FADS2: variants seen among roughly 807,000 people sequenced by gnomAD.
FADS2 encodes the protein fatty acid desaturase 2.
Under a neutral mutation model 61.2 loss-of-function variants are expected in FADS2, and 18 were observed. The observed-to-expected ratio is 0.29, with a 90% confidence interval of 0.20 to 0.44. The LOEUF (loss-of-function observed/expected upper bound fraction) is 0.44, where lower values mean the gene tolerates loss of function less well. FADS2 is among the 20% of genes least tolerant of loss of function. The probability of loss-of-function intolerance (pLI) is 1.00; values close to 1 mark genes in which losing one functional copy is unlikely to be tolerated. For synonymous variants in FADS2, 203 were observed against 223.9 expected (o/e 0.91, Z 0.83); for missense variants, 322 against 572.7 (o/e 0.56, Z 4.47).
chr11:61,817,095 G>A, intron 1 of FADS2: 1 of 769,808 alleles, frequency 1.3e-6, no homozygotes, highest in Non-Finnish European at 1.9e-6. Flanking sequence ...GCTCCCAGGG[G>A]GCGCCGCGGT....
At chr11:61,847,385 C>A (rs2135966877) in intron 4 of FADS2, 1 of 152,278 alleles carries the variant, frequency 6.6e-6, no homozygotes, top group African/African-American at 2.4e-5. Context: ...CTCACTCCCT[C>A]CCCTACCCCA....
chr11:61,822,759 A>C (rs927755766), intron 1 of FADS2, among the ~76,000 whole-genome samples: 1 of 152,252 alleles, frequency 6.6e-6, no homozygotes, highest in African/African-American at 2.4e-5. Context: ...GAGAATATTT[A>C]CTTCACTATA....
intron 1 of FADS2, among the ~76,000 whole-genome samples, chr11:61,837,419 C>G (rs2067182821): frequency 6.6e-6 from 1 of 152,218 alleles, no homozygotes; most frequent in African/African-American, 2.4e-5. Context: ...GCACTCAGCT[C>G]ACGAGCAGTC....
chr11:61,865,011 G>C lies in FADS2; in HGVS notation c.1158-141G>C. The stretch of plus-strand genomic sequence containing the variant: ...GTGGCACCCCACTGGGCACACACGA[G>C]GAGCCACACTTTGAGACTGGTCCTG... On this transcript the variant is annotated intron_variant, in intron 10 of 11. Coordinates refer to ENST00000278840, the MANE Select transcript of FADS2 (RefSeq NM_004265.4). The surrounding 1 kb of genome is among the most constrained non-coding windows in gnomAD (Gnocchi z 4.1). 1 of 998,328 alleles carries C rather than the reference G, an allele frequency of 1.0e-6. No individual in the cohort carries two copies. Among genetic ancestry groups the C allele is most frequent in the Admixed American group, 2.2e-5 (1 of 44,680 alleles). The allele number at this position is 998,328 out of a possible 1,614,324, so 61.8% of individuals were successfully genotyped here.
At chr11:61,838,318 G>C (rs2067191691) in intron 2 of FADS2, among the ~76,000 whole-genome samples, 1 of 152,178 alleles carries the variant, frequency 6.6e-6, no homozygotes, top group African/African-American at 2.4e-5. Context: ...TGGGTGCTGG[G>C]CTTCCAGGAC....
rs1455084189 is a variant in FADS2, at chr11:61,816,452, C to T, written c.141+26C>T. 6.2e-7 allele frequency: 1 copy of T among 1,600,008 alleles called. No individual in the cohort carries two copies. Among genetic ancestry groups the T allele is most frequent in the South Asian group, 1.1e-5 (1 of 91,074 alleles). ...GTATGATCAGGCGCCTCCGGGCTTT[C>T]CTCCGAATTAGTCGGTGTTTGGCTC... On this transcript the variant is annotated intron_variant, in intron 1 of 11. Coordinates refer to the FADS2 transcript ENST00000257261. The surrounding 1 kb of genome is among the most constrained non-coding windows in gnomAD (Gnocchi z 7.0).
Position 61,857,084 on chromosome 11 carries a change from C to A in FADS2, c.805+13C>A, listed in dbSNP as rs372502673. The A allele has an allele frequency of 5.0e-6, 8 of 1,612,088 alleles. No individual in the cohort carries two copies. Among genetic ancestry groups the A allele is most frequent in the African/African-American group, 4.0e-5 (3 of 74,864 alleles). On this transcript the variant is annotated intron_variant, in intron 6 of 11. Transcript: ENST00000278840. ...TACTTCTTCCTGAGTGAGTGCTCGGCGCCCCGAAATCACTCTGGGACCCTC... is the reference window on the plus strand; with the variant it reads ...TACTTCTTCCTGAGTGAGTGCTCGGAGCCCCGAAATCACTCTGGGACCCTC...
At chr11:61,857,194 G>C in intron 6 of FADS2, 123 bp downstream of exon 6, 1 of 900,712 alleles carries the variant, frequency 1.1e-6, no homozygotes, top group Admixed American at 1.9e-5. Context: ...GTTAGAAGCG[G>C]GGGCCACAGC....
intron 4 of FADS2, chr11:61,846,974 G>C (rs1172970939): frequency 6.6e-6 from 1 of 150,626 alleles, no homozygotes; most frequent in Non-Finnish European, 1.5e-5. Flanking sequence ...TTTTTAAACA[G>C]AGTCTTGCTC....
intron 1 of FADS2, among the ~76,000 whole-genome samples, chr11:61,829,621 G>T (rs2067111175): frequency 6.6e-6 from 1 of 152,186 alleles, no homozygotes; most frequent in South Asian, 2.1e-4. Flanking sequence ...AGGCAAGGAG[G>T]GAAGAAAGGG....
intron 1 of FADS2, among the ~76,000 whole-genome samples, chr11:61,819,617 T>C (rs1407643597): frequency 6.6e-6 from 1 of 152,184 alleles, no homozygotes; most frequent in Non-Finnish European, 1.5e-5. Flanking sequence ...TAGCGGGAAA[T>C]GGAAACACTC....
chr11:61,824,232 T>C (rs1220992703), upstream of FADS2, among the ~76,000 whole-genome samples: 1 of 151,330 alleles, frequency 6.6e-6, no homozygotes, highest in African/African-American at 2.4e-5. Flanking sequence ...AAATACAAAA[T>C]TAGCTGGGTG....
At chr11:61,824,476 G>GAAA (rs1293677507), upstream of FADS2, among the ~76,000 whole-genome samples, 5 of 10,428 alleles carry the variant, frequency 4.8e-4, 1 homozygote, top group Admixed American at 2.2e-3. Flanking sequence ...GAGAGAGAGA[G>GAAA]AGAGAGAGAG....
At chr11:61,862,672 G>A in intron 7 of FADS2, 1 of 399,150 alleles carries the variant, frequency 2.5e-6, no homozygotes, top group East Asian at 5.4e-5. Flanking sequence ...TGCCCCACGA[G>A]AGGGCTGCTG....
At chr11:61,850,162 T>C (rs1245327301) in intron 5 of FADS2, among the ~76,000 whole-genome samples, 2 of 152,240 alleles carry the variant, frequency 1.3e-5, no homozygotes, top group Non-Finnish European at 2.9e-5. Flanking sequence ...TATGGTATTC[T>C]GTTGTACTTC....
chr11:61,816,848 G>C lies in FADS2; in HGVS notation c.141+422G>C, dbSNP rs1309877514. ...GGGCTCCAGGAGTGGATTTGCTGGC[G>C]CGCGCCCAGAGCCAGCCGCCTGCGC... On this transcript the variant is annotated intron_variant, in intron 1 of 11. Transcript: ENST00000257261. The surrounding 1 kb of genome is among the most constrained non-coding windows in gnomAD (Gnocchi z 7.0). 4 of 1,486,510 alleles carry C rather than the reference G, an allele frequency of 2.7e-6. No individual in the cohort carries two copies. The highest frequency in any genetic ancestry group is 1.3e-5 in the South Asian group (1 of 78,262). 92.1% of individuals were successfully genotyped at this position (1,486,510 alleles called of 1,614,324 possible).
intron 5 of FADS2, among the ~76,000 whole-genome samples, chr11:61,852,246 T>G (rs776837471): frequency 1.3e-5 from 2 of 152,124 alleles, no homozygotes; most frequent in Non-Finnish European, 2.9e-5. Context: ...TCCCCTTCTC[T>G]TTCTCTCTCT....
chr11:61,839,316 C>T (rs2067199627), intron 2 of FADS2, among the ~76,000 whole-genome samples: 3 of 151,162 alleles, frequency 2.0e-5, no homozygotes. Flanking sequence ...TTTTTCTTTT[C>T]TTTTCTTTCT....
At chr11:61,832,208 A>T (rs977721454) in intron 1 of FADS2, among the ~76,000 whole-genome samples, 1 of 152,154 alleles carries the variant, frequency 6.6e-6, no homozygotes, top group African/African-American at 2.4e-5. Flanking sequence ...GTGAGAAGAG[A>T]CCAGAGGTTT....
Sources: allele counts gnomAD v4.1 joint callset (sites outside exome capture counted in the v4.1 genomes callset), GRCh38; gene constraint gnomAD v4.1.1; non-coding constraint Gnocchi (gnomAD v3.1); transcripts MANE v1.5; gene names NCBI Gene and HGNC (gene_info 2026-07-23, HGNC 2026-07-21).